PCDHGA2: variants seen among roughly 807,000 people sequenced by gnomAD.
PCDHGA2 encodes protocadherin gamma-A2.
PCDHGA2 carries 40 observed loss-of-function variants against 59.2 expected under a neutral mutation model. That is an observed-to-expected ratio of 0.68 (90% confidence interval 0.52 to 0.88). PCDHGA2 has a LOEUF of 0.88. PCDHGA2 is among the 40% of genes least tolerant of loss of function. The pLI is 0.00. For missense variants in PCDHGA2, 1,226 were observed against 1,204.0 expected, an observed-to-expected ratio of 1.02 and a Z score of -0.27; for synonymous variants, 560 against 526.0, an observed-to-expected ratio of 1.06 and a Z score of -0.89.
chr5:141,417,805 G>T, intron 1 of PCDHGA2: 1 of 1,499,292 alleles, frequency 6.7e-7, no homozygotes. Flanking sequence ...TAGCGCGGTA[G>T]AGTGCACTTT....
intron 1 of PCDHGA2, among the ~76,000 whole-genome samples, chr5:141,425,497 CT>C (rs2096879671): frequency 6.6e-6 from 1 of 152,164 alleles, no homozygotes; most frequent in African/African-American, 2.4e-5. Context: ...TAGGCTATAC[CT>C]TTATATTCTC....
rs3074541 is a variant in PCDHGA2 at position 141,433,358 on chromosome 5, CCTATCTATCTATCTATCTATCTAT to C, written c.2425-61424_2425-61401del. 6 of 503,934 alleles carry C rather than the reference CCTATCTATCTATCTATCTATCTAT, an allele frequency of 1.2e-5. No homozygotes were observed. In the Admixed American group the frequency reaches 1.5e-4, roughly 12 times the overall value. The allele number at this position is 503,934 out of a possible 1,614,324, so 31.2% of individuals were successfully genotyped here. ...ACAGGTGCAAGCCACCTACTGTCTG[CCTATCTATCTATCTATCTATCTAT>C]CTATCTATCTATCTATCTATCTATT... On this transcript the variant is annotated intron_variant, in intron 1 of 3. Transcript: ENST00000394576.
intron 1 of PCDHGA2, chr5:141,427,783 C>T (rs765131117): frequency 1.4e-6 from 2 of 1,460,966 alleles, no homozygotes; most frequent in Non-Finnish European, 1.9e-6. Flanking sequence ...CGGGCACTGT[C>T]GTCCTACGTG....
rs745778398 is a variant in PCDHGA2, at chr5:141,389,350, T to A, written c.2424+47955T>A. The A allele has an allele frequency of 1.6e-5, 26 of 1,613,964 alleles. No individual in the cohort carries two copies. Among genetic ancestry groups the A allele is most frequent in the Non-Finnish European group, 2.2e-5 (26 of 1,179,910 alleles). Reference sequence around the variant, plus strand: ...CCCAACGGCCAAGTCTCTTACTGCATCATGGCCAGTGACCTGGAGCAGCGG... The same window carrying A: ...CCCAACGGCCAAGTCTCTTACTGCAACATGGCCAGTGACCTGGAGCAGCGG... On this transcript the variant is annotated intron_variant, in intron 1 of 3. Coordinates refer to ENST00000394576, the MANE Select transcript of PCDHGA2 (RefSeq NM_018915.4).
Position 141,404,690 on chromosome 5 carries a change from C to T in PCDHGA2, c.2424+63295C>T, listed in dbSNP as rs199517824. The T allele has an allele frequency of 1.9e-4, 304 of 1,613,808 alleles. 1 individual carries two copies. Among genetic ancestry groups the T allele is most frequent in the Non-Finnish European group, 2.1e-4 (250 of 1,179,844 alleles). On this transcript the variant is annotated intron_variant, in intron 1 of 3. Coordinates refer to ENST00000394576, the MANE Select transcript of PCDHGA2 (RefSeq NM_018915.4). ...TTCTACTGGTGTGGAGCTGGCACCC[C>T]GCTCTGCAGAGCCTGGCTACCTGGT...
rs1594951324 is a variant in PCDHGA2, at chr5:141,490,871, T to G, written c.2425-3936T>G. 6.2e-7 allele frequency: 1 copy of G among 1,613,918 alleles called. No individual in the cohort carries two copies. The highest frequency in any genetic ancestry group is 8.5e-7 in the Non-Finnish European group (1 of 1,179,944). On this transcript the variant is annotated intron_variant, in intron 1 of 3. Coordinates refer to ENST00000394576, the MANE Select transcript of PCDHGA2 (RefSeq NM_018915.4). This position sits in a 1 kb window ranked among gnomAD's most constrained non-coding sequence, Gnocchi z 5.4. ...GTTCGAGACTCCGGCTCTCCCCCAT[T>G]GCATGCCAACACATCTCTGCATGTG...
intron 1 of PCDHGA2, among the ~76,000 whole-genome samples, chr5:141,437,987 C>T (rs2097922147): frequency 1.3e-5 from 2 of 152,156 alleles, no homozygotes; most frequent in African/African-American, 2.4e-5. Flanking sequence ...GCACCCACCC[C>T]ACCTCAGCCT....
chr5:141,349,057 A>T (rs1758226786), intron 1 of PCDHGA2, among the ~76,000 whole-genome samples: 1 of 152,072 alleles, frequency 6.6e-6, no homozygotes, highest in Non-Finnish European at 1.5e-5. Context: ...AGTCGGCTGG[A>T]GCTGAGAATT....
In PCDHGA2 at chr5:141,356,681, A is replaced by G. The variant is rs771665475; in HGVS notation, c.2424+15286A>G. The G allele has an allele frequency of 1.2e-6, 2 of 1,613,942 alleles. No homozygotes were observed. The highest frequency in any genetic ancestry group is 1.7e-6 in the Non-Finnish European group (2 of 1,179,864). On this transcript the variant is annotated intron_variant, in intron 1 of 3. Coordinates refer to ENST00000394576, the MANE Select transcript of PCDHGA2 (RefSeq NM_018915.4). Reference sequence around the variant, plus strand: ...CGAATCACTTACTCCCTGGCCGAAGACACCTTCCAGGGTGCACCTCTGTCC... The same window carrying G: ...CGAATCACTTACTCCCTGGCCGAAGGCACCTTCCAGGGTGCACCTCTGTCC...
intron 1 of PCDHGA2, chr5:141,376,682 T>TTTTTTTTG (rs1773145441): frequency 1.3e-6 from 1 of 786,082 alleles, no homozygotes; most frequent in African/African-American, 1.9e-5. Flanking sequence ...TATCGTTTTT[T>TTTTTTTTG]TTTTTTTTTT....
At chr5:141,419,588 A>T in intron 1 of PCDHGA2, 1 of 1,611,830 alleles carries the variant, frequency 6.2e-7, no homozygotes, top group East Asian at 2.2e-5. Flanking sequence ...GCTCTTCGAC[A>T]CAGTGCCGCG....
rs2099606006 is a variant in PCDHGA2, at chr5:141,485,058, G to A, written c.2425-9749G>A. Reference sequence around the variant, plus strand: ...TAACCCTTGCGGCGCCGGCCGAACCGCGCCAGAGCTGGCGCGGGGAAAGGG... The same window carrying A: ...TAACCCTTGCGGCGCCGGCCGAACCACGCCAGAGCTGGCGCGGGGAAAGGG... On this transcript the variant is annotated intron_variant, in intron 1 of 3. Coordinates refer to ENST00000394576, the MANE Select transcript of PCDHGA2 (RefSeq NM_018915.4). The surrounding 1 kb of genome is among the most constrained non-coding windows in gnomAD (Gnocchi z 5.7). 1 of 848,828 alleles carries A rather than the reference G, an allele frequency of 1.2e-6. No individual in the cohort carries two copies. The highest frequency in any genetic ancestry group is 1.9e-6 in the Non-Finnish European group (1 of 529,084). The allele number at this position is 848,828 out of a possible 1,614,324, so 52.6% of individuals were successfully genotyped here.
In PCDHGA2 at chr5:141,431,930, C is replaced by A. The variant is rs761060241; in HGVS notation, c.2425-62877C>A. 236 of 1,613,932 alleles carry A rather than the reference C, an allele frequency of 1.5e-4. 1 individual carries two copies. The highest frequency in any genetic ancestry group is 1.4e-3 in the South Asian group (124 of 91,086). The stretch of plus-strand genomic sequence containing the variant: ...GATCTGTTTCATCCAAGGAAATCTG[C>A]CCTTTAAATTAGAAAAATCTTACGG... On this transcript the variant is annotated intron_variant, in intron 1 of 3. Transcript: ENST00000394576. This position sits in a 1 kb window ranked among gnomAD's most constrained non-coding sequence, Gnocchi z 4.8.
At chr5:141,409,674 TAGTGGCG>T in intron 1 of PCDHGA2, 1 of 1,613,414 alleles carries the variant, frequency 6.2e-7, no homozygotes, top group Non-Finnish European at 8.5e-7. Flanking sequence ...TCCTACTCTA[TAGTGGCG>T]AGTGACCTAG....
Position 141,431,938 on chromosome 5 carries a change from A to G in PCDHGA2, c.2425-62869A>G, listed in dbSNP as rs150199588. 49 of 1,614,050 alleles carry G rather than the reference A, an allele frequency of 3.0e-5. No individual in the cohort carries two copies. Among genetic ancestry groups the G allele is most frequent in the Non-Finnish European group, 3.9e-5 (46 of 1,180,026 alleles). Reference sequence around the variant, plus strand: ...TCATCCAAGGAAATCTGCCCTTTAAATTAGAAAAATCTTACGGAAATTACT... The same window carrying G: ...TCATCCAAGGAAATCTGCCCTTTAAGTTAGAAAAATCTTACGGAAATTACT... On this transcript the variant is annotated intron_variant, in intron 1 of 3. Coordinates refer to ENST00000394576, the MANE Select transcript of PCDHGA2 (RefSeq NM_018915.4). This position sits in a 1 kb window ranked among gnomAD's most constrained non-coding sequence, Gnocchi z 4.8.
chr5:141,339,078 G>C lies in PCDHGA2; in HGVS notation c.107G>C (p.Arg36Pro), dbSNP rs758233517. The C allele has an allele frequency of 6.2e-7, 1 of 1,614,182 alleles. No individual in the cohort carries two copies. The highest frequency in any genetic ancestry group is 8.5e-7 in the Non-Finnish European group (1 of 1,179,998). ...ARAGQIRYSV[R>P]EEIDRGSFVG... ...GCCGGGCAGATTCGCTATTCTGTGC[G>C]GGAAGAGATCGACAGAGGCTCCTTC... is the stretch of plus-strand genomic sequence containing the variant. Residue 36 changes from arginine to proline, a missense_variant, in exon 1 of 4, where the codon CGG (arginine) becomes CCG (proline). By Grantham distance (103) the Arg-to-Pro change is moderately radical (BLOSUM62 -2). Coordinates refer to ENST00000394576, the MANE Select transcript of PCDHGA2 (RefSeq NM_018915.4).
At chr5:141,415,079 C>A (rs1388248799) in intron 1 of PCDHGA2, 1 of 1,613,380 alleles carries the variant, frequency 6.2e-7, no homozygotes, top group Non-Finnish European at 8.5e-7. Context: ...ACGGCGCGAG[C>A]CCTGCTGGAC....
At chr5:141,357,106 GAC>G in intron 1 of PCDHGA2, 1 of 1,613,886 alleles carries the variant, frequency 6.2e-7, no homozygotes, top group Non-Finnish European at 8.5e-7. Context: ...GCTGGACAGA[GAC>G]GCGCTCAAGC....
At position 141,486,671 on chromosome 5, in the gene PCDHGA2, C is replaced by G. The variant is rs1307620045; in HGVS notation, c.2425-8136C>G. 24 of 1,613,926 alleles carry G rather than the reference C, an allele frequency of 1.5e-5. No homozygotes were observed. The highest frequency in any genetic ancestry group is 2.7e-5 in the African/African-American group (2 of 74,932). Reference sequence around the variant, plus strand: ...CTACTCACTCCTGGAGCCCAGGAATCGAGATGTATCAGCTTCCTCTTTCAT... The same window carrying G: ...CTACTCACTCCTGGAGCCCAGGAATGGAGATGTATCAGCTTCCTCTTTCAT... On this transcript the variant is annotated intron_variant, in intron 1 of 3. Transcript: ENST00000394576. The surrounding 1 kb of genome is among the most constrained non-coding windows in gnomAD (Gnocchi z 5.0).
Sources: allele counts gnomAD v4.1 joint callset (sites outside exome capture counted in the v4.1 genomes callset), GRCh38; gene constraint gnomAD v4.1.1; non-coding constraint Gnocchi (gnomAD v3.1); transcripts MANE v1.5; gene names NCBI Gene and HGNC (gene_info 2026-07-23, HGNC 2026-07-21).